Variants in DNAJC11 observed in about 807,000 individuals in gnomAD.
DNAJC11 encodes the protein dnaJ homolog subfamily C member 11.
In DNAJC11, 15 loss-of-function variants were observed where a neutral mutation model predicts 78.6. The ratio of observed to expected loss-of-function variants is 0.19; its 90% CI spans 0.13 to 0.29. DNAJC11 has a LOEUF of 0.29. Ranked by LOEUF, DNAJC11 falls within the 10% of genes least tolerant of loss-of-function variation. The pLI, the probability that DNAJC11 is intolerant of heterozygous loss-of-function variation, is 1.00. For missense variants in DNAJC11, 547 were observed against 709.6 expected, an observed-to-expected ratio of 0.77 and a Z score of 2.60; for synonymous variants, 292 against 272.1, an observed-to-expected ratio of 1.07 and a Z score of -0.72.
intron 14 of DNAJC11, 142 bp from the exon 15 acceptor site, chr1:6,636,388 CAAG>C (rs1641768866): frequency 1.5e-6 from 2 of 1,304,244 alleles, no homozygotes; most frequent in South Asian, 1.5e-5. Context: ...GAAAAAGAAA[CAAG>C]AATTTGAAAA....
chr1:6,646,103 A>T lies in DNAJC11; in HGVS notation c.705-125T>A. On this transcript the variant is annotated intron_variant, in intron 7 of 15. Coordinates refer to ENST00000377577, the MANE Select transcript of DNAJC11 (RefSeq NM_018198.4). ...TCTATGCATCCCTGGGCCAGCTCCC[A>T]GTAAAAAAAAAAGCAGGAGGTCAGG... The T allele has an allele frequency of 1.1e-6, 1 of 944,154 alleles. No individual in the cohort carries two copies. The highest frequency in any genetic ancestry group is 1.6e-6 in the Non-Finnish European group (1 of 633,910). The allele number at this position is 944,154 out of a possible 1,614,324, so 58.5% of individuals were successfully genotyped here. A position where few individuals can be genotyped will look rare whatever the true frequency, so the allele number is the denominator to read the frequency against.
At chr1:6,689,684 G>A (rs1642713635) in intron 1 of DNAJC11, among the ~76,000 whole-genome samples, 1 of 151,946 alleles carries the variant, frequency 6.6e-6, no homozygotes, top group Admixed American at 6.6e-5. Context: ...GCTGAGGCAG[G>A]AGAATTGCTT....
At chr1:6,679,072 G>A (rs1392250892) in intron 2 of DNAJC11, among the ~76,000 whole-genome samples, 2 of 152,118 alleles carry the variant, frequency 1.3e-5, no homozygotes, top group Non-Finnish European at 2.9e-5. Flanking sequence ...GAAGTGGCAC[G>A]GGCTCCTGCA....
chr1:6,634,198 G>A lies in DNAJC11; in HGVS notation c.*1477C>T. 2.8e-6 allele frequency: 3 copies of A among 1,082,404 alleles called. No homozygotes were observed. The highest frequency in any genetic ancestry group is 2.7e-6 in the Non-Finnish European group (2 of 727,364). The allele number at this position is 1,082,404 out of a possible 1,614,324, so 67.0% of individuals were successfully genotyped here. ...TTTCAGGAAAGGTTTATTGTGGTGA[G>A]TGCCTTCTGTACAGTCGACTGCAAA... On this transcript the variant is annotated 3_prime_UTR_variant, in exon 16 of 16. Transcript: ENST00000377577.
intron 1 of DNAJC11, among the ~76,000 whole-genome samples, chr1:6,687,587 G>C (rs1260300720): frequency 6.6e-6 from 1 of 152,018 alleles, no homozygotes; most frequent in Non-Finnish European, 1.5e-5. Context: ...TCAATCTCCT[G>C]ACCTCGTGAT....
rs995093209 is a variant in DNAJC11, at chr1:6,691,811, G to A, written c.72+9918C>T. Among the ~76,000 whole-genome samples the A allele has an allele frequency of 7.2e-5, 11 of 152,214 alleles. No homozygotes were observed. In the South Asian group the frequency reaches 1.7e-3, roughly 23 times the overall value. On this transcript the variant is annotated intron_variant, in intron 1 of 15. Transcript: ENST00000377577. ...AAGCTGCAAGCTCCTTCCAGGGACT[G>A]CAATCTGTACCAGGCATATGCTGTA...
intron 4 of DNAJC11, among the ~76,000 whole-genome samples, chr1:6,662,384 G>T (rs921843956): frequency 3.9e-5 from 6 of 151,916 alleles, no homozygotes; most frequent in Admixed American, 6.6e-5. Context: ...AGTAGAGATG[G>T]GGTTTCACCA....
intron 4 of DNAJC11, among the ~76,000 whole-genome samples, chr1:6,659,279 C>T (rs575495246): frequency 6.6e-6 from 1 of 152,332 alleles, no homozygotes; most frequent in African/African-American, 2.4e-5. Flanking sequence ...CTTCTCTCAT[C>T]GTTCCAGACA....
In DNAJC11 at chr1:6,645,990, C is replaced by T; in HGVS notation, c.705-12G>A. The T allele has an allele frequency of 3.7e-6, 6 of 1,613,610 alleles. No homozygotes were observed. Among genetic ancestry groups the T allele is most frequent in the Non-Finnish European group, 5.1e-6 (6 of 1,179,658 alleles). ...TTGTTGTCACAAAGCTGGAGAGACACAGAGACAGAATAGGTCCTGGATAGC... is the reference window on the plus strand; with the variant it reads ...TTGTTGTCACAAAGCTGGAGAGACATAGAGACAGAATAGGTCCTGGATAGC... On this transcript the variant is annotated splice_polypyrimidine_tract_variant and intron_variant, in intron 7 of 15. Coordinates refer to ENST00000377577, the MANE Select transcript of DNAJC11 (RefSeq NM_018198.4). This position sits in a 1 kb window ranked among gnomAD's most constrained non-coding sequence, Gnocchi z 4.1.
intron 3 of DNAJC11, among the ~76,000 whole-genome samples, chr1:6,674,347 G>C (rs1285296340): frequency 6.6e-6 from 1 of 152,102 alleles, no homozygotes; most frequent in African/African-American, 2.4e-5. Flanking sequence ...GATCATCTGA[G>C]GTCAGGAGTT....
intron 3 of DNAJC11, 107 bp downstream of exon 3, chr1:6,678,287 G>T: frequency 8.3e-7 from 1 of 1,204,568 alleles, no homozygotes; most frequent in Non-Finnish European, 1.2e-6. Flanking sequence ...GGCTCTAATG[G>T]TTTCAAATAT....
At chr1:6,687,773 G>A (rs1480466248) in intron 1 of DNAJC11, among the ~76,000 whole-genome samples, 1 of 152,036 alleles carries the variant, frequency 6.6e-6, no homozygotes, top group African/African-American at 2.4e-5. Context: ...GGAAATATGG[G>A]ATTCATCGTC....
intron 1 of DNAJC11, among the ~76,000 whole-genome samples, chr1:6,687,163 C>G (rs1223887208): frequency 6.6e-6 from 1 of 152,118 alleles, no homozygotes; most frequent in South Asian, 2.1e-4. Context: ...AGCTGTTCTA[C>G]GGAGAGAAAG....
intron 1 of DNAJC11, among the ~76,000 whole-genome samples, chr1:6,691,949 T>C (rs1418029496): frequency 6.6e-6 from 1 of 152,252 alleles, no homozygotes; most frequent in Non-Finnish European, 1.5e-5. Context: ...ACATCCTTTC[T>C]TAAACAAAGG....
At chr1:6,635,959 G>T (rs1641759583) in intron 15 of DNAJC11, among the ~76,000 whole-genome samples, 158 bp downstream of exon 15, 1 of 152,366 alleles carries the variant, frequency 6.6e-6, no homozygotes, top group Admixed American at 6.5e-5. Context: ...CACAAATCAT[G>T]GGCTCTGAGT....
rs545993243 is a variant in DNAJC11 at position 6,671,566 on chromosome 1, C to CT, written c.277-3757dup. ...TTTTTTTTTGAGATGGAGTCTCACT[C>CT]TGTCATCCAGGCTGGAGTGCAATGG... On this transcript the variant is annotated intron_variant, in intron 3 of 15. Coordinates refer to ENST00000377577, the MANE Select transcript of DNAJC11 (RefSeq NM_018198.4). Among the ~76,000 whole-genome samples the CT allele has an allele frequency of 1.8e-4, 25 of 141,536 alleles. No homozygotes were observed. The East Asian group carries it at 4.0e-3, about 23-fold the overall frequency. 92.9% of individuals were successfully genotyped at this position (141,536 alleles called of 152,430 possible). A position where few individuals can be genotyped will look rare whatever the true frequency, so the allele number is the denominator to read the frequency against.
chr1:6,671,927 AGG>A (rs780635400), intron 3 of DNAJC11, among the ~76,000 whole-genome samples: 102 of 148,842 alleles, frequency 6.9e-4, no homozygotes, highest in Admixed American at 1.5e-3. Flanking sequence ...TTCCGCTTCC[AGG>A]GTTCAAGCAA....
At chr1:6,647,340 C>T (rs1392748567) in intron 7 of DNAJC11, among the ~76,000 whole-genome samples, 1 of 151,990 alleles carries the variant, frequency 6.6e-6, no homozygotes, top group Non-Finnish European at 1.5e-5. Context: ...GCCTCAGCCT[C>T]CCAAAGTGCT....
At position 6,645,819 on chromosome 1, in the gene DNAJC11, A is replaced by C; in HGVS notation, c.864T>G (p.Thr288=). The C allele has an allele frequency of 6.2e-7, 1 of 1,614,100 alleles. No individual in the cohort carries two copies. Among genetic ancestry groups the C allele is most frequent in the Non-Finnish European group, 8.5e-7 (1 of 1,180,010 alleles). Residue 288 remains threonine, a synonymous_variant, in exon 8 of 16, where the codon ACT becomes ACG. Transcript: ENST00000377577. The surrounding 1 kb of genome is among the most constrained non-coding windows in gnomAD (Gnocchi z 4.1). ...SAMNTSIVRD[T]KTSHFTVALQ... ...GGGCCACAGTGAAGTGGCTGGTTTT[A>C]GTGTCTCGGACGATGCTAGTGTTCA...
Sources: gnomAD v4.1 joint callset for allele counts (sites outside exome capture counted in the v4.1 genomes callset) on GRCh38, gnomAD v4.1.1 for gene constraint, Gnocchi (gnomAD v3.1) non-coding constraint, MANE v1.5 for transcripts, NCBI Gene and HGNC (gene_info 2026-07-23, HGNC 2026-07-21) for gene names.